MACROD2: variants seen among roughly 807,000 people sequenced by gnomAD.
The protein encoded by MACROD2 is ADP-ribose glycohydrolase MACROD2.
A neutral mutation model predicts 70.4 loss-of-function variants in MACROD2; 36 were observed. That is an observed-to-expected ratio of 0.51 (90% CI 0.39 to 0.68). The LOEUF (loss-of-function observed/expected upper bound fraction) is 0.68. Among genes scored for constraint, MACROD2 ranks in the 30% least tolerant of loss-of-function variants. The pLI is 0.00. For synonymous variants in MACROD2, 172 were observed against 178.8 expected, an observed-to-expected ratio of 0.96 and a Z score of 0.30; for missense variants, 496 against 538.4, an observed-to-expected ratio of 0.92 and a Z score of 0.78.
At chr20:15,623,836 A>ATG (rs1568935508) in intron 8 of MACROD2, among the ~76,000 whole-genome samples, 25 of 151,806 alleles carry the variant, frequency 1.6e-4, no homozygotes, top group African/African-American at 6.0e-4. Context: ...CACATAATGC[A>ATG]TAGTATTCAA....
At chr20:15,048,239 C>CCA (rs2075410948) in intron 5 of MACROD2, among the ~76,000 whole-genome samples, 1 of 152,090 alleles carries the variant, frequency 6.6e-6, no homozygotes, top group African/African-American at 2.4e-5. Flanking sequence ...TCAGATTGTG[C>CCA]CACTGTACTC....
At chr20:14,004,774 A>G (rs1331292614) in intron 2 of MACROD2, among the ~76,000 whole-genome samples, 4 of 152,154 alleles carry the variant, frequency 2.6e-5, no homozygotes, top group Admixed American at 2.0e-4. Context: ...ATTGATATTT[A>G]TTAAATATGG....
At chr20:14,288,416 T>A (rs2082361173) in intron 3 of MACROD2, among the ~76,000 whole-genome samples, 1 of 152,122 alleles carries the variant, frequency 6.6e-6, no homozygotes, top group African/African-American at 2.4e-5. Context: ...GAGAGAAAAA[T>A]AAACTTTTAT....
chr20:15,072,796 T>C (rs1007930791), intron 5 of MACROD2, among the ~76,000 whole-genome samples: 2 of 152,050 alleles, frequency 1.3e-5, no homozygotes, highest in Non-Finnish European at 2.9e-5. Flanking sequence ...AAAGAATAAA[T>C]CAAATAGTAA....
chr20:14,705,938 G>T (rs751901933), intron 5 of MACROD2, among the ~76,000 whole-genome samples: 1 of 150,692 alleles, frequency 6.6e-6, no homozygotes, highest in Non-Finnish European at 1.5e-5. Flanking sequence ...TTCTTCTCTT[G>T]TACAGAATAA....
chr20:14,356,498 C>CTTTTTTTTTTTTTTTTTTTTTT (rs71190132), intron 3 of MACROD2, among the ~76,000 whole-genome samples: 1 of 76,788 alleles, frequency 1.3e-5, no homozygotes. Flanking sequence ...GATCTACTTT[C>CTTTTTTTTTTTTTTTTTTTTTT]TTTTTTTTTT....
At chr20:14,372,701 G>A (rs986542517) in intron 3 of MACROD2, among the ~76,000 whole-genome samples, 3 of 152,002 alleles carry the variant, frequency 2.0e-5, no homozygotes, top group Non-Finnish European at 2.9e-5. Flanking sequence ...CCAGACTTCC[G>A]ATAACACATT....
chr20:14,353,619 G>A (rs1412313412), intron 3 of MACROD2, among the ~76,000 whole-genome samples: 1 of 152,076 alleles, frequency 6.6e-6, no homozygotes, highest in Non-Finnish European at 1.5e-5. Flanking sequence ...ATAATAAGAA[G>A]TCCAGAGGTA....
intron 8 of MACROD2, among the ~76,000 whole-genome samples, chr20:15,658,270 T>C (rs1254212993): frequency 6.6e-6 from 1 of 151,626 alleles, no homozygotes; most frequent in Non-Finnish European, 1.5e-5. Context: ...CTATGCAATT[T>C]GACTTATGGA....
chr20:14,532,379 G>A (rs2085317317), intron 4 of MACROD2, among the ~76,000 whole-genome samples: 1 of 148,604 alleles, frequency 6.7e-6, no homozygotes, highest in South Asian at 2.4e-4. Flanking sequence ...CACCATGCCC[G>A]GCTAATTTTT....
At chr20:15,378,148 TAAAA>T (rs10536330) in intron 6 of MACROD2, among the ~76,000 whole-genome samples, 21,537 of 139,038 alleles carry the variant, frequency 0.15, 2,140 homozygotes, top group African/African-American at 0.32. Context: ...AAGAAAAAAA[TAAAA>T]GAAGAGAGAG....
At chr20:14,350,875 G>C (rs1235545624) in intron 3 of MACROD2, among the ~76,000 whole-genome samples, 1 of 152,120 alleles carries the variant, frequency 6.6e-6, no homozygotes, top group Non-Finnish European at 1.5e-5. Flanking sequence ...TTTCCTCATA[G>C]CTTGAGGTCT....
chr20:15,891,972 G>A (rs1048267708), intron 10 of MACROD2, among the ~76,000 whole-genome samples: 6 of 152,156 alleles, frequency 3.9e-5, no homozygotes, highest in African/African-American at 1.2e-4. Context: ...AAGAAACTTA[G>A]AGGGCCACAT....
chr20:14,760,428 T>G (rs543620297), intron 5 of MACROD2, among the ~76,000 whole-genome samples: 1 of 152,152 alleles, frequency 6.6e-6, no homozygotes, highest in Non-Finnish European at 1.5e-5. Flanking sequence ...TAGGAAAGTA[T>G]TAATTAATTT....
intron 5 of MACROD2, among the ~76,000 whole-genome samples, chr20:15,181,258 A>G (rs1167929195): frequency 1.3e-5 from 2 of 152,198 alleles, no homozygotes; most frequent in Non-Finnish European, 2.9e-5. Flanking sequence ...GAAAAAAGAA[A>G]CCTCGTATAA....
rs549824285 is a variant in MACROD2 at position 15,038,469 on chromosome 20, T to C, written c.419-191471T>C. Among the ~76,000 whole-genome samples, 67 of 152,326 alleles carry C rather than the reference T, an allele frequency of 4.4e-4. No homozygotes were observed. The Middle Eastern group carries it at 0.01, about 23-fold the overall frequency. On this transcript the variant is annotated intron_variant, in intron 5 of 17. Coordinates refer to ENST00000684519, the MANE Select transcript of MACROD2 (RefSeq NM_001351661.2). ...AGTTTTTTGATGTGAGCAGTGTATT[T>C]ATCTTGTGCTCTGTTTCTGGCCCCT...
chr20:16,048,909 T>A (rs1363898479), intron 17 of MACROD2, among the ~76,000 whole-genome samples: 1 of 152,082 alleles, frequency 6.6e-6, no homozygotes, highest in Non-Finnish European at 1.5e-5. Context: ...AACACAAATG[T>A]CTCGCAGCAA....
intron 15 of MACROD2, among the ~76,000 whole-genome samples, chr20:16,026,411 C>G (rs1281074535): frequency 1.3e-5 from 2 of 152,154 alleles, no homozygotes; most frequent in Non-Finnish European, 2.9e-5. Context: ...TTGACTATGC[C>G]TCCCCCAAGA....
intron 3 of MACROD2, among the ~76,000 whole-genome samples, chr20:14,300,362 A>T (rs1485198965): frequency 1.3e-5 from 2 of 152,324 alleles, no homozygotes; most frequent in East Asian, 3.9e-4. Flanking sequence ...CCTTGAAAAT[A>T]GATGTGTTTG....
Sources: allele counts gnomAD v4.1 joint callset (sites outside exome capture counted in the v4.1 genomes callset), GRCh38; gene constraint gnomAD v4.1.1; transcripts MANE v1.5; gene names NCBI Gene and HGNC (gene_info 2026-07-23, HGNC 2026-07-21).